INSL6: variants seen among roughly 807,000 people sequenced by gnomAD.
The protein encoded by INSL6 is insulin-like peptide INSL6.
INSL6 carries 16 observed loss-of-function variants against 9.4 expected under a neutral mutation model. That is an observed-to-expected ratio of 1.70 (90% CI 1.15 to 2.59). The LOEUF is 2.59. INSL6 is among the 30% of genes most tolerant of loss of function. INSL6 has a pLI of 0.00. For missense variants in INSL6, 391 were observed against 257.3 expected (o/e 1.52, Z -3.56); for synonymous variants, 154 against 96.9 (o/e 1.59, Z -3.46).
At chr9:5,063,763 T>C in the INSL6 span, among the ~76,000 whole-genome samples, 1 of 152,256 alleles carries the variant, frequency 6.6e-6, no homozygotes, top group Non-Finnish European at 1.5e-5. Context: ...TTTTTCATTA[T>C]ATAACTGACT....
chr9:5,130,788 G>A (rs1038916107), intron 3 of INSL6, among the ~76,000 whole-genome samples: 2 of 150,050 alleles, frequency 1.3e-5, no homozygotes, highest in African/African-American at 4.9e-5. Context: ...GAGTGCAGTG[G>A]CGCGATCTCG....
chr9:5,144,899 A>G (rs113353229), intron 2 of INSL6, among the ~76,000 whole-genome samples: 3,023 of 152,200 alleles, frequency 0.02, 37 homozygotes, highest in Non-Finnish European at 0.03. Flanking sequence ...TAGCATACCA[A>G]TGGGTCTTGG....
At chr9:5,098,706 T>C in the INSL6 span, 1 of 152,046 alleles carries the variant, frequency 6.6e-6, no homozygotes, top group African/African-American at 2.4e-5. Flanking sequence ...CCTTTTTTTT[T>C]TTTTTGAGAC....
the INSL6 span, chr9:5,050,934 T>A: frequency 1.1e-6 from 1 of 938,724 alleles, no homozygotes; most frequent in Non-Finnish European, 1.6e-6. Context: ...TTTGTAATAC[T>A]AGTTAAGTAC....
chr9:5,036,944 C>A, the INSL6 span, among the ~76,000 whole-genome samples: 10 of 152,118 alleles, frequency 6.6e-5, no homozygotes, highest in African/African-American at 1.2e-4. Context: ...AATGGGAGAA[C>A]ATTTTTGTAA....
chr9:5,031,172 C>G, the INSL6 span, among the ~76,000 whole-genome samples: 7 of 152,116 alleles, frequency 4.6e-5, no homozygotes, highest in African/African-American at 1.7e-4. Context: ...CTAAGCCAAT[C>G]AAAATCCTAA....
At chr9:5,030,306 G>T in the INSL6 span, among the ~76,000 whole-genome samples, 5 of 152,116 alleles carry the variant, frequency 3.3e-5, no homozygotes. Context: ...GTGAAGAAAA[G>T]AGACTTTTCC....
At chr9:5,118,091 A>G in the INSL6 span, among the ~76,000 whole-genome samples, 1 of 152,198 alleles carries the variant, frequency 6.6e-6, no homozygotes, top group African/African-American at 2.4e-5. Context: ...CTGAATCTAA[A>G]TAGTGCTTGC....
chr9:5,174,665 T>C (rs573164301), intron 1 of INSL6, among the ~76,000 whole-genome samples: 15 of 152,312 alleles, frequency 9.8e-5, no homozygotes, highest in Non-Finnish European at 1.5e-4. Flanking sequence ...AAATTATTTA[T>C]CTACCTACGA....
intron 1 of INSL6, among the ~76,000 whole-genome samples, chr9:5,183,209 C>T (rs1368885566): frequency 2.0e-5 from 3 of 152,008 alleles, no homozygotes; most frequent in Non-Finnish European, 4.4e-5. Context: ...TGTCATCTTC[C>T]CTTATAGATT....
chr9:5,089,791 A>G, the INSL6 span: 2 of 1,599,284 alleles, frequency 1.3e-6, no homozygotes, highest in Non-Finnish European at 1.7e-6. Context: ...AGACTTTGAA[A>G]GGGAAATTGA....
chr9:5,107,317 G>T, the INSL6 span, among the ~76,000 whole-genome samples: 4 of 151,964 alleles, frequency 2.6e-5, no homozygotes, highest in Non-Finnish European at 1.5e-5. Flanking sequence ...TATTTATATA[G>T]ATAAATCCAG....
At chr9:5,087,471 A>G in the INSL6 span, among the ~76,000 whole-genome samples, 2 of 47,080 alleles carry the variant, frequency 4.2e-5, no homozygotes, top group Non-Finnish European at 6.9e-5. Flanking sequence ...GCCAAACCAT[A>G]TCACTCCCTT....
chr9:5,052,489 T>G, the INSL6 span, among the ~76,000 whole-genome samples: 2 of 152,120 alleles, frequency 1.3e-5, no homozygotes, highest in Non-Finnish European at 1.5e-5. Flanking sequence ...AAGAGTTTAT[T>G]GAGATAATTT....
chr9:5,164,889 T>C (rs1825015316), intron 1 of INSL6, among the ~76,000 whole-genome samples: 1 of 152,188 alleles, frequency 6.6e-6, no homozygotes, highest in South Asian at 2.1e-4. Flanking sequence ...GACATTTGAG[T>C]GGTTTCCACT....
chr9:5,086,133 C>T, the INSL6 span: 4 of 390,400 alleles, frequency 1.0e-5, no homozygotes, highest in Non-Finnish European at 1.8e-5. Flanking sequence ...CGCGCGGCCC[C>T]GGCGGCCCCG....
chr9:5,101,657 C>T, the INSL6 span, among the ~76,000 whole-genome samples: 3 of 152,218 alleles, frequency 2.0e-5, no homozygotes, highest in East Asian at 1.9e-4. Flanking sequence ...AGGTGGGTGC[C>T]TGTCTGGGAC....
the INSL6 span, among the ~76,000 whole-genome samples, chr9:4,996,066 A>G: frequency 6.6e-6 from 1 of 152,242 alleles, no homozygotes; most frequent in South Asian, 2.1e-4. Context: ...GATTGGAACC[A>G]TTAAGGATAA....
At chr9:5,078,146 C>T in the INSL6 span, among the ~76,000 whole-genome samples, 1 of 152,150 alleles carries the variant, frequency 6.6e-6, no homozygotes, top group South Asian at 2.1e-4. Context: ...AAACAGGAAG[C>T]ATAGGAGTCA....
Sources: gnomAD v4.1 joint callset for allele counts (sites outside exome capture counted in the v4.1 genomes callset) on GRCh38, gnomAD v4.1.1 for gene constraint, MANE v1.5 for transcripts, NCBI Gene and HGNC (gene_info 2026-07-23, HGNC 2026-07-21) for gene names.